The following RBM33 variants were observed in gnomAD, a reference collection of about 807,000 sequenced individuals.
The protein encoded by RBM33 is RNA-binding protein 33.
A neutral mutation model predicts 132.6 loss-of-function variants in RBM33; 28 were observed. The observed-to-expected ratio is 0.21, with a 90% confidence interval of 0.16 to 0.29. The LOEUF is 0.29. RBM33 is among the 10% of genes least tolerant of loss of function. The probability of loss-of-function intolerance (pLI) is 1.00; values close to 1 mark genes in which losing one functional copy is unlikely to be tolerated. For missense variants in RBM33, 1,291 were observed against 1,518.5 expected, an observed-to-expected ratio of 0.85 and a Z score of 2.49; for synonymous variants, 634 against 593.0, an observed-to-expected ratio of 1.07 and a Z score of -1.01.
Position 155,678,589 on chromosome 7 carries a change from T to C in RBM33, c.172-19T>C. 7.1e-7 allele frequency: 1 copy of C among 1,417,188 alleles called. No individual in the cohort carries two copies. 87.8% of individuals were successfully genotyped at this position (1,417,188 alleles called of 1,614,324 possible). On this transcript the variant is annotated intron_variant, in intron 3 of 17. Coordinates refer to ENST00000401878, the MANE Select transcript of RBM33 (RefSeq NM_053043.3). ...TTATGGAAGTGACACACATTAATTA[T>C]ATTTCTTATTTTAATTAGAATCAGT...
chr7:155,758,059 G>A (rs148402926), intron 14 of RBM33, among the ~76,000 whole-genome samples: 2 of 152,150 alleles, frequency 1.3e-5, no homozygotes. Context: ...CAGAAGATTT[G>A]GGGAGGGACA....
At position 155,682,409 on chromosome 7, in the gene RBM33, T is replaced by C. The variant is rs58675006; in HGVS notation, c.567+1501T>C. 6.7e-3 allele frequency among the ~76,000 whole-genome samples: 1,018 copies of C among 152,332 alleles called. 9 individuals are homozygous for C. Among genetic ancestry groups the C allele is most frequent in the African/African-American group, 0.024 (991 of 41,574 alleles). The stretch of plus-strand genomic sequence containing the variant: ...CTAATGTAGGCACGTGCCTTCTGCT[T>C]TACTGGTGTGTTTGTATGCTCTTAA... On this transcript the variant is annotated intron_variant, in intron 5 of 17. Transcript: ENST00000401878.
At chr7:155,743,089 T>C (rs1366133447) in intron 13 of RBM33, among the ~76,000 whole-genome samples, 1 of 152,234 alleles carries the variant, frequency 6.6e-6, no homozygotes, top group Non-Finnish European at 1.5e-5. Context: ...TGATATATTA[T>C]TGTAGCAGTT....
chr7:155,698,237 G>A (rs1799854667), intron 5 of RBM33, among the ~76,000 whole-genome samples: 1 of 152,070 alleles, frequency 6.6e-6, no homozygotes, highest in Non-Finnish European at 1.5e-5. Context: ...CGTGGTGGTG[G>A]ACGCCTGTGA....
chr7:155,670,484 C>T (rs1202820598), intron 2 of RBM33, among the ~76,000 whole-genome samples: 2 of 152,162 alleles, frequency 1.3e-5, no homozygotes, highest in African/African-American at 4.8e-5. Flanking sequence ...TTTACGATGA[C>T]AAGAAGAAAA....
At chr7:155,661,813 T>A (rs73165202) in intron 1 of RBM33, among the ~76,000 whole-genome samples, 9,825 of 152,242 alleles carry the variant, frequency 0.065, 477 homozygotes, top group African/African-American at 0.14. Flanking sequence ...AATGGCTACT[T>A]ACAGATCTTT....
At chr7:155,673,940 G>GTTGTTGTTTGTTTTTTGT in intron 3 of RBM33, among the ~76,000 whole-genome samples, 1 of 54,214 alleles carries the variant, frequency 1.8e-5, no homozygotes. Flanking sequence ...TTTAGGCTTA[G>GTTGTTGTTTGTTTTTTGT]TTTTTTTTTT....
chr7:155,694,601 C>G (rs1799740813), intron 5 of RBM33, among the ~76,000 whole-genome samples: 1 of 152,158 alleles, frequency 6.6e-6, no homozygotes, highest in South Asian at 2.1e-4. Flanking sequence ...GTCCTGACTC[C>G]TCAGAGTAAA....
intron 4 of RBM33, among the ~76,000 whole-genome samples, 163 bp from the exon 5 acceptor site, chr7:155,680,427 A>G (rs941458697): frequency 2.0e-5 from 3 of 152,240 alleles, no homozygotes; most frequent in East Asian, 1.9e-4. Flanking sequence ...CTGGCTCTGT[A>G]TAGCATTTTG....
At chr7:155,697,214 A>G (rs200153018) in intron 5 of RBM33, among the ~76,000 whole-genome samples, 1 of 152,290 alleles carries the variant, frequency 6.6e-6, no homozygotes, top group Non-Finnish European at 1.5e-5. Flanking sequence ...GAGTATCTCC[A>G]TAGATTTGGA....
Position 155,711,290 on chromosome 7 carries a change from C to G in RBM33, c.1036C>G (p.Pro346Ala). ...FQPQPLQPLL[P>A]VQHPHHPSPP... is the part of the protein sequence containing the mutation. ...GCCGCAGCCGCTGCAGCCGCTGCTT[C>G]CGGTGCAGCACCCGCACCACCCATC... The change falls in exon 8 of 18, where the codon CCG becomes GCG. Residue 346 changes from proline (P) to alanine (A), a missense_variant. Physicochemically the swap from Pro to Ala is conservative, Grantham distance 27 (BLOSUM62 -1). Coordinates refer to ENST00000401878, the MANE Select transcript of RBM33 (RefSeq NM_053043.3). The G allele has an allele frequency of 6.2e-7, 1 of 1,606,942 alleles. No individual in the cohort carries two copies. Among genetic ancestry groups the G allele is most frequent in the Non-Finnish European group, 8.5e-7 (1 of 1,176,960 alleles).
At position 155,744,997 on chromosome 7, in the gene RBM33, T is replaced by G; in HGVS notation, c.2374T>G (p.Leu792Val). ...DEDEETRLYR[L>V]KIEEQKRLRE... ...AGATGAGGAAACAAGGTTATATCGC[T>G]TAAAGATAGAAGAACAGAAACGCCT... Residue 792 changes from leucine (L) to valine (V), a missense_variant, in exon 14 of 18, where the codon TTA becomes GTA. By Grantham distance (32) the Leu-to-Val change is conservative (BLOSUM62 1). Around this residue, in one of 7 missense-constraint regions of RBM33, gnomAD observed 841 missense variants for 912.0 expected, o/e 0.92. Coordinates refer to ENST00000401878, the MANE Select transcript of RBM33 (RefSeq NM_053043.3). 1 of 1,598,926 alleles carries G rather than the reference T, an allele frequency of 6.3e-7. No homozygotes were observed. Among genetic ancestry groups the G allele is most frequent in the Middle Eastern group, 1.7e-4 (1 of 5,792 alleles).
chr7:155,684,947 G>A (rs1799432254), intron 5 of RBM33: 2 of 1,550,134 alleles, frequency 1.3e-6, no homozygotes, highest in African/African-American at 1.4e-5. Context: ...AAGAATACTT[G>A]CAGGCTTATG....
At chr7:155,712,051 A>G (rs1450115888) in intron 8 of RBM33, among the ~76,000 whole-genome samples, 8 of 152,202 alleles carry the variant, frequency 5.3e-5, no homozygotes, top group Admixed American at 5.2e-4. Flanking sequence ...ATTGAGTGGA[A>G]AGTGCTGAGA....
chr7:155,742,204 A>G (rs1051603711), intron 13 of RBM33, 98 bp downstream of exon 13: 77 of 1,201,156 alleles, frequency 6.4e-5, no homozygotes, highest in Non-Finnish European at 8.4e-5. Flanking sequence ...TATTCACAAA[A>G]TCTTCCCACT....
Position 155,777,905 on chromosome 7 carries a change from G to A in RBM33, c.*2864G>A, listed in dbSNP as rs915998145. The A allele has an allele frequency of 1.3e-5, 2 of 152,626 alleles. No individual in the cohort carries two copies. The highest frequency in any genetic ancestry group is 4.8e-5 in the African/African-American group (2 of 41,444). 9.5% of individuals were successfully genotyped at this position (152,626 alleles called of 1,614,324 possible). ...GTCGTAAATATCAGTATCTCATAAG[G>A]TAAACCAATAGCTGATTATGTGGAG... On this transcript the variant is annotated 3_prime_UTR_variant, in exon 18 of 18. Coordinates refer to ENST00000401878, the MANE Select transcript of RBM33 (RefSeq NM_053043.3).
intron 3 of RBM33, among the ~76,000 whole-genome samples, chr7:155,674,469 TGTA>T (rs957692547): frequency 6.6e-6 from 1 of 152,206 alleles, no homozygotes; most frequent in African/African-American, 2.4e-5. Flanking sequence ...AAGGTTTAAA[TGTA>T]GTAAAATACT....
At chr7:155,766,315 A>G (rs1802215179) in intron 15 of RBM33, among the ~76,000 whole-genome samples, 152 bp from the exon 16 acceptor site, 1 of 152,166 alleles carries the variant, frequency 6.6e-6, no homozygotes, top group African/African-American at 2.4e-5. Flanking sequence ...CTATTAAAAC[A>G]TTCTCTGATA....
chr7:155,645,392 T>TGAA (rs919170885), intron 1 of RBM33, among the ~76,000 whole-genome samples: 1 of 152,234 alleles, frequency 6.6e-6, no homozygotes, highest in Non-Finnish European at 1.5e-5. Context: ...TTCACCTGTG[T>TGAA]GAAGGAATGT....
Sources: allele counts gnomAD v4.1 joint callset (sites outside exome capture counted in the v4.1 genomes callset), GRCh38; gene constraint gnomAD v4.1.1; regional missense constraint gnomAD v4.1.1; transcripts MANE v1.5; gene names NCBI Gene and HGNC (gene_info 2026-07-23, HGNC 2026-07-21).